SLC24A3: variants seen among roughly 807,000 people sequenced by gnomAD.
The protein encoded by SLC24A3 is solute carrier family 24 member 3.
In SLC24A3, 28 loss-of-function variants were observed where a neutral mutation model predicts 75.8. The ratio of observed to expected loss-of-function variants is 0.37; its 90% CI spans 0.27 to 0.51. SLC24A3 has a LOEUF of 0.51. SLC24A3 is among the 20% of genes least tolerant of loss of function. The pLI, the probability that SLC24A3 is intolerant of heterozygous loss-of-function variation, is 0.94. For missense variants in SLC24A3, 663 were observed against 847.8 expected (o/e 0.78, Z 2.71); for synonymous variants, 372 against 334.1 (o/e 1.11, Z -1.24).
At chr20:19,439,388 C>T (rs1158880076) in intron 2 of SLC24A3, among the ~76,000 whole-genome samples, 1 of 152,174 alleles carries the variant, frequency 6.6e-6, no homozygotes, top group Non-Finnish European at 1.5e-5. Context: ...AATGAACACA[C>T]ATGTAAACAA....
At chr20:19,229,407 A>G (rs1002178028) in intron 1 of SLC24A3, among the ~76,000 whole-genome samples, 2 of 152,108 alleles carry the variant, frequency 1.3e-5, no homozygotes, top group African/African-American at 4.8e-5. Flanking sequence ...AATATCTTGA[A>G]TGAAATGCTT....
intron 2 of SLC24A3, among the ~76,000 whole-genome samples, chr20:19,363,947 A>C (rs1267351201): frequency 6.6e-6 from 1 of 152,130 alleles, no homozygotes. Flanking sequence ...TTGGTCAGGC[A>C]GGTGGGCTTG....
intron 2 of SLC24A3, among the ~76,000 whole-genome samples, chr20:19,315,930 C>T (rs1411586949): frequency 6.6e-6 from 1 of 152,210 alleles, no homozygotes; most frequent in East Asian, 1.9e-4. Context: ...TAGACATGCT[C>T]AGAACACTTA....
intron 15 of SLC24A3, among the ~76,000 whole-genome samples, chr20:19,705,654 G>A (rs1391949041): frequency 6.6e-6 from 1 of 152,032 alleles, no homozygotes; most frequent in African/African-American, 2.4e-5. Context: ...AGCTACTGTG[G>A]GTTTAATGGC....
At chr20:19,481,810 G>T (rs1988058761) in intron 2 of SLC24A3, among the ~76,000 whole-genome samples, 1 of 152,088 alleles carries the variant, frequency 6.6e-6, no homozygotes, top group African/African-American at 2.4e-5. Flanking sequence ...TGAGTGCAAG[G>T]ATTTCCCCTC....
chr20:19,683,772 C>G (rs2032641383), intron 10 of SLC24A3, among the ~76,000 whole-genome samples: 1 of 152,200 alleles, frequency 6.6e-6, no homozygotes, highest in Admixed American at 6.5e-5. Context: ...TTAATTCTTA[C>G]CATGTCAGTG....
At chr20:19,639,066 C>T (rs1449609601) in intron 6 of SLC24A3, among the ~76,000 whole-genome samples, 2 of 152,176 alleles carry the variant, frequency 1.3e-5, no homozygotes, top group Non-Finnish European at 2.9e-5. Context: ...CTGGCCCCAC[C>T]CACATCCTGC....
chr20:19,291,291 C>T (rs1416095834), intron 2 of SLC24A3, among the ~76,000 whole-genome samples: 2 of 152,190 alleles, frequency 1.3e-5, no homozygotes, highest in East Asian at 3.9e-4. Flanking sequence ...GCTCTCCAGG[C>T]CTGAGGAGTT....
At chr20:19,625,737 A>G (rs1173926484) in intron 6 of SLC24A3, among the ~76,000 whole-genome samples, 1 of 152,218 alleles carries the variant, frequency 6.6e-6, no homozygotes, top group African/African-American at 2.4e-5. Flanking sequence ...CTGCAAACAT[A>G]TATTTTGTCA....
intron 15 of SLC24A3, among the ~76,000 whole-genome samples, chr20:19,707,914 G>C (rs2032947335): frequency 6.6e-6 from 1 of 152,164 alleles, no homozygotes; most frequent in Non-Finnish European, 1.5e-5. Flanking sequence ...GCAAGGTCTT[G>C]GTTGCAGATA....
chr20:19,316,674 C>T (rs908439213), intron 2 of SLC24A3, among the ~76,000 whole-genome samples: 2 of 152,190 alleles, frequency 1.3e-5, no homozygotes, highest in Non-Finnish European at 2.9e-5. Context: ...GCCCTAGGGG[C>T]TGGGGAGAGG....
chr20:19,689,413 C>T (rs965030001), intron 12 of SLC24A3, among the ~76,000 whole-genome samples: 15 of 152,172 alleles, frequency 9.9e-5, no homozygotes, highest in Admixed American at 5.2e-4. Flanking sequence ...TGCTTACGGG[C>T]CAGCTCCGGC....
intron 2 of SLC24A3, among the ~76,000 whole-genome samples, chr20:19,327,295 C>T (rs1398523131): frequency 2.6e-5 from 4 of 152,224 alleles, no homozygotes; most frequent in Non-Finnish European, 5.9e-5. Context: ...GCAGCCACAA[C>T]TGCTTTGTTC....
intron 6 of SLC24A3, among the ~76,000 whole-genome samples, chr20:19,626,816 T>C (rs545002808): frequency 6.6e-6 from 1 of 152,352 alleles, no homozygotes; most frequent in South Asian, 2.1e-4. Flanking sequence ...GAAAAGGCCT[T>C]GGGTATTTTG....
chr20:19,519,546 A>C lies in SLC24A3; in HGVS notation c.348+3982A>C, dbSNP rs187754445. Among the ~76,000 whole-genome samples the C allele has an allele frequency of 7.2e-5, 11 of 152,346 alleles. No individual in the cohort carries two copies. In the East Asian group the frequency reaches 1.9e-3, roughly 27 times the overall value. ...GCTGTTTGTCATGTATGGTTTCCTT[A>C]CTAGTGGGGAAATCCATGATCTTGA... is the stretch of plus-strand genomic sequence containing the variant. On this transcript the variant is annotated intron_variant, in intron 3 of 16. Coordinates refer to ENST00000328041, the MANE Select transcript of SLC24A3 (RefSeq NM_020689.4).
chr20:19,583,239 T>C (rs1248241179), intron 4 of SLC24A3, among the ~76,000 whole-genome samples: 2 of 151,772 alleles, frequency 1.3e-5, no homozygotes, highest in Admixed American at 1.3e-4. Context: ...GGGACAGAGT[T>C]GGGAGGAGAT....
intron 1 of SLC24A3, among the ~76,000 whole-genome samples, chr20:19,240,206 A>G (rs1440532664): frequency 1.3e-5 from 2 of 152,204 alleles, no homozygotes; most frequent in Non-Finnish European, 2.9e-5. Context: ...TCACACTGCA[A>G]CAACTGCTGT....
intron 2 of SLC24A3, among the ~76,000 whole-genome samples, chr20:19,288,039 A>C (rs1014712926): frequency 6.6e-6 from 1 of 152,238 alleles, no homozygotes; most frequent in African/African-American, 2.4e-5. Flanking sequence ...GCTGCCAGAA[A>C]TACAGTGGAA....
chr20:19,226,887 T>C (rs372530904), intron 1 of SLC24A3, among the ~76,000 whole-genome samples: 2 of 152,220 alleles, frequency 1.3e-5, no homozygotes, highest in Non-Finnish European at 2.9e-5. Flanking sequence ...TTATTCAGGG[T>C]TCCATTTGAG....
Sources: gnomAD v4.1 joint callset for allele counts (sites outside exome capture counted in the v4.1 genomes callset) on GRCh38, gnomAD v4.1.1 for gene constraint, MANE v1.5 for transcripts, NCBI Gene and HGNC (gene_info 2026-07-23, HGNC 2026-07-21) for gene names.